The following DNAJC21 variants were observed in gnomAD, a reference collection of about 807,000 sequenced individuals.
DNAJC21 encodes DnaJ heat shock protein family (Hsp40) member C21.
DNAJC21 carries 63 observed loss-of-function variants against 72.4 expected under a neutral mutation model. The observed-to-expected ratio is 0.87, with a 90% CI of 0.71 to 1.07. DNAJC21 has a LOEUF of 1.07. Ranked by LOEUF, DNAJC21 falls within the 50% of genes least tolerant of loss-of-function variation. DNAJC21 has a pLI of 0.00. For synonymous variants in DNAJC21, 203 were observed against 216.7 expected (o/e 0.94, Z 0.56); for missense variants, 634 against 644.8 (o/e 0.98, Z 0.18).
chr5:34,950,037 G>A (rs756674921), intron 9 of DNAJC21, 133 bp from the exon 10 acceptor site: 61 of 992,672 alleles, frequency 6.1e-5, no homozygotes, highest in Non-Finnish European at 8.0e-5. Context: ...ACTGTAATGA[G>A]CATCCATGTT....
At chr5:34,950,125 A>G (rs376739683) in intron 9 of DNAJC21, 45 bp from the exon 10 acceptor site, 57 of 1,535,268 alleles carry the variant, frequency 3.7e-5, no homozygotes, top group Non-Finnish European at 4.5e-5. Context: ...AGCTAGTAGT[A>G]GTATTATATT....
At chr5:34,941,560 C>CTTTTTTTT (rs765889955) in intron 7 of DNAJC21, among the ~76,000 whole-genome samples, 5 of 76,084 alleles carry the variant, frequency 6.6e-5, no homozygotes, top group Non-Finnish European at 7.1e-5. Flanking sequence ...CTTGTGTTTT[C>CTTTTTTTT]TTTTTTTTTT....
chr5:34,931,103 CA>C (rs1764574675), intron 1 of DNAJC21, among the ~76,000 whole-genome samples: 6 of 151,986 alleles, frequency 3.9e-5, no homozygotes, highest in Admixed American at 2.6e-4. Flanking sequence ...GTGTGTATTG[CA>C]GGTCTGAAAA....
rs928982321 is a variant in DNAJC21 at position 34,957,634 on chromosome 5, A to G, written c.*2920A>G. 2 of 152,140 alleles carry G rather than the reference A, an allele frequency of 1.3e-5. No homozygotes were observed. The highest frequency in any genetic ancestry group is 4.8e-5 in the African/African-American group (2 of 41,416). The allele number at this position is 152,140 out of a possible 1,614,324, so 9.4% of individuals were successfully genotyped here. A position where few individuals can be genotyped will look rare whatever the true frequency, so the allele number is the denominator to read the frequency against. On this transcript the variant is annotated 3_prime_UTR_variant, in exon 12 of 12. Transcript: ENST00000648817. ...CATTTTTTCTAAATCCTCCCCTACA[A>G]AATTTTCAGATTGGAAATTACTCTT...
At chr5:34,949,104 A>T (rs1320188816) in intron 9 of DNAJC21, among the ~76,000 whole-genome samples, 1 of 152,196 alleles carries the variant, frequency 6.6e-6, no homozygotes, top group East Asian at 1.9e-4. Flanking sequence ...TATTAATTTA[A>T]AAAGGGAAAA....
At chr5:34,944,628 G>T (rs982093714) in intron 7 of DNAJC21, among the ~76,000 whole-genome samples, 1 of 152,054 alleles carries the variant, frequency 6.6e-6, no homozygotes, top group East Asian at 1.9e-4. Flanking sequence ...CTGTGGTACG[G>T]AAAGAAAGAG....
intron 9 of DNAJC21, 91 bp downstream of exon 9, chr5:34,945,894 A>C: frequency 1.2e-6 from 1 of 830,610 alleles, no homozygotes; most frequent in Middle Eastern, 2.6e-4. Context: ...AAGGAGAGAA[A>C]CTTATACTCC....
chr5:34,935,833 G>T lies in DNAJC21; in HGVS notation c.315G>T (p.Lys105Asn). 6.2e-7 allele frequency: 1 copy of T among 1,613,718 alleles called. No individual in the cohort carries two copies. The highest frequency in any genetic ancestry group is 1.3e-5 in the African/African-American group (1 of 74,994). Residue 105 changes from lysine (K) to asparagine (N), a missense_variant and splice_region_variant, in exon 3 of 12, where the codon AAG (lysine) becomes AAT (asparagine). Transcript: ENST00000648817. ...TCYSGYGDDEKGFYTVYRNVF... is the reference protein window; with the variant it reads ...TCYSGYGDDENGFYTVYRNVF... ...ATTCTGGTTATGGAGATGATGAAAA[G>T]GTAAGATAAATGAACTCACCCTTGA...
chr5:34,938,268 A>G (rs40202), intron 5 of DNAJC21, among the ~76,000 whole-genome samples: 36,184 of 152,164 alleles, frequency 0.24, 5,005 homozygotes, highest in East Asian at 0.33. Flanking sequence ...GCTGTGAAGT[A>G]CTTATCCTCC....
intron 9 of DNAJC21, among the ~76,000 whole-genome samples, chr5:34,947,952 A>G (rs145391808): frequency 1.2e-4 from 18 of 152,268 alleles, no homozygotes; most frequent in African/African-American, 4.1e-4. Flanking sequence ...ATCCTGTGCT[A>G]TTGGGATTTT....
rs1256325993 is a variant in DNAJC21, at chr5:34,935,888, C to A, written c.315+55C>A. Reference sequence around the variant, plus strand: ...TCATCAAGTACTTCATTAAGACTCACATACAAAGAGAATTCTTAAAACTAT... The same window carrying A: ...TCATCAAGTACTTCATTAAGACTCAAATACAAAGAGAATTCTTAAAACTAT... On this transcript the variant is annotated intron_variant, in intron 3 of 11. Coordinates refer to ENST00000648817, the MANE Select transcript of DNAJC21 (RefSeq NM_001012339.3). 1.9e-6 allele frequency: 3 copies of A among 1,603,024 alleles called. No individual in the cohort carries two copies. In the African/African-American group the frequency reaches 4.0e-5, roughly 21 times the overall value.
chr5:34,943,964 A>G (rs568676216), intron 7 of DNAJC21, among the ~76,000 whole-genome samples: 70 of 152,214 alleles, frequency 4.6e-4, no homozygotes, highest in Non-Finnish European at 2.8e-4. Flanking sequence ...TTTCAGACAC[A>G]GGATCTTCCA....
At chr5:34,943,573 C>T (rs1765071177) in intron 7 of DNAJC21, among the ~76,000 whole-genome samples, 1 of 152,180 alleles carries the variant, frequency 6.6e-6, no homozygotes, top group Non-Finnish European at 1.5e-5. Flanking sequence ...TCCCTTGTAA[C>T]ATGTTTAATC....
chr5:34,947,459 C>A (rs1441443918), intron 9 of DNAJC21, among the ~76,000 whole-genome samples: 1 of 152,112 alleles, frequency 6.6e-6, no homozygotes, highest in Non-Finnish European at 1.5e-5. Context: ...TTAAATTTTT[C>A]TGTTCTTTGT....
intron 1 of DNAJC21, among the ~76,000 whole-genome samples, chr5:34,933,350 C>T (rs994320923): frequency 2.6e-5 from 4 of 152,192 alleles, no homozygotes; most frequent in Non-Finnish European, 4.4e-5. Flanking sequence ...AGGCTCACTA[C>T]AACCTCTGCT....
intron 9 of DNAJC21, among the ~76,000 whole-genome samples, chr5:34,947,767 T>C (rs192942101): frequency 5.3e-4 from 81 of 152,074 alleles, no homozygotes; most frequent in African/African-American, 1.9e-3. Flanking sequence ...TGCCGTATTC[T>C]GTTCTGTTAT....
Position 34,944,876 on chromosome 5 carries a change from T to A in DNAJC21, c.993T>A (p.Asn331Lys). ...CAGATTGCTCTTTCAGCATGAAGAA[T>A]CACGAGAAGTCAAAGAAGCATCGGG... is the stretch of plus-strand genomic sequence containing the variant. Reference protein sequence around the residue: ...KSFKTEKAMKNHEKSKKHREM... With the variant: ...KSFKTEKAMKKHEKSKKHREM... Residue 331 changes from asparagine (N) to lysine (K), a missense_variant, in exon 8 of 12, where the codon AAT becomes AAA. Physicochemically the swap from Asn to Lys is moderately conservative, Grantham distance 94. Transcript: ENST00000648817. The A allele has an allele frequency of 6.2e-7, 1 of 1,614,062 alleles. No individual in the cohort carries two copies. The highest frequency in any genetic ancestry group is 2.2e-5 in the East Asian group (1 of 44,884).
chr5:34,948,974 A>G (rs764636372), intron 9 of DNAJC21, among the ~76,000 whole-genome samples: 5 of 152,204 alleles, frequency 3.3e-5, no homozygotes, highest in Non-Finnish European at 5.9e-5. Context: ...TCACTCTTCT[A>G]CATCCACCAG....
chr5:34,948,242 G>A (rs1765237022), intron 9 of DNAJC21, among the ~76,000 whole-genome samples: 1 of 152,138 alleles, frequency 6.6e-6, no homozygotes, highest in Non-Finnish European at 1.5e-5. Context: ...GGACCTAGAA[G>A]CAGTGACACC....
Sources: allele counts gnomAD v4.1 joint callset (sites outside exome capture counted in the v4.1 genomes callset), GRCh38; gene constraint gnomAD v4.1.1; transcripts MANE v1.5; gene names NCBI Gene and HGNC (gene_info 2026-07-23, HGNC 2026-07-21).